Variants in GABRA2 observed in about 807,000 individuals in gnomAD.
GABRA2 encodes the protein gamma-aminobutyric acid type A receptor subunit alpha2, also known as gamma-aminobutyric acid receptor subunit alpha-2.
Under a neutral mutation model 48.7 loss-of-function variants are expected in GABRA2, and 16 were observed. That is an observed-to-expected ratio of 0.33 (90% CI 0.22 to 0.50). The LOEUF (loss-of-function observed/expected upper bound fraction) is 0.50, where lower values mean the gene tolerates loss of function less well. Ranked by LOEUF, GABRA2 falls within the 20% of genes least tolerant of loss-of-function variation. The pLI, the probability that GABRA2 is intolerant of heterozygous loss-of-function variation, is 0.98. For missense variants in GABRA2, 275 were observed against 535.6 expected (o/e 0.51, Z 4.80); for synonymous variants, 185 against 184.5 (o/e 1.00, Z -0.02).
At position 46,292,319 on chromosome 4, in the gene GABRA2, G is replaced by T. The variant is rs1723822473; in HGVS notation, c.856+11141C>A. The stretch of plus-strand genomic sequence containing the variant: ...CTCCTGTAGACAAAGAGCTGAAATG[G>T]TGAAAAATCAGACACAAGCTCTTAT... On this transcript the variant is annotated intron_variant, in intron 8 of 9. Transcript: ENST00000381620. Among the ~76,000 whole-genome samples, 4 of 152,180 alleles carry T rather than the reference G, an allele frequency of 2.6e-5. No individual in the cohort carries two copies. In the South Asian group the frequency reaches 8.3e-4, roughly 32 times the overall value.
chr4:46,371,046 T>C (rs1714806479), intron 3 of GABRA2, among the ~76,000 whole-genome samples: 1 of 152,126 alleles, frequency 6.6e-6, no homozygotes, highest in South Asian at 2.1e-4. Flanking sequence ...ACAGCTTTTA[T>C]AAAAAGAATT....
At chr4:46,346,386 C>T (rs1036223472) in intron 3 of GABRA2, among the ~76,000 whole-genome samples, 19 of 151,236 alleles carry the variant, frequency 1.3e-4, no homozygotes, top group Non-Finnish European at 1.9e-4. Context: ...TCCATAAAGG[C>T]GGGAAGAGTT....
At chr4:46,267,474 A>C (rs1718485562) in intron 8 of GABRA2, among the ~76,000 whole-genome samples, 1 of 151,864 alleles carries the variant, frequency 6.6e-6, no homozygotes, top group Admixed American at 6.6e-5. Flanking sequence ...AGAATTTCTA[A>C]TGATTTTTTT....
intron 4 of GABRA2, among the ~76,000 whole-genome samples, chr4:46,316,721 G>A (rs1728614318): frequency 6.6e-6 from 1 of 151,904 alleles, no homozygotes. Context: ...CTGTTAATTA[G>A]TAATAAATAA....
intron 4 of GABRA2, among the ~76,000 whole-genome samples, chr4:46,320,803 G>A (rs1422775075): frequency 6.6e-6 from 1 of 151,874 alleles, no homozygotes; most frequent in Admixed American, 6.6e-5. Context: ...TGGTGGGGAT[G>A]TAAATTGGTG....
chr4:46,268,184 A>G (rs1718630453), intron 8 of GABRA2, among the ~76,000 whole-genome samples: 1 of 151,974 alleles, frequency 6.6e-6, no homozygotes, highest in African/African-American at 2.4e-5. Flanking sequence ...GGCAACAAAA[A>G]CAAAGATAAA....
chr4:46,317,716 C>T (rs1728771751), intron 4 of GABRA2, among the ~76,000 whole-genome samples: 1 of 151,472 alleles, frequency 6.6e-6, no homozygotes, highest in Non-Finnish European at 1.5e-5. Flanking sequence ...AGAAATACCA[C>T]ACTCTGCCTA....
At chr4:46,388,988 T>C (rs939488023) in intron 1 of GABRA2, 19 of 1,237,928 alleles carry the variant, frequency 1.5e-5, no homozygotes, top group Non-Finnish European at 1.9e-5. Flanking sequence ...GACTTCTCTC[T>C]GCCAGGAACG....
chr4:46,270,722 A>G (rs1335604217), intron 8 of GABRA2, among the ~76,000 whole-genome samples: 1 of 152,052 alleles, frequency 6.6e-6, no homozygotes, highest in African/African-American at 2.4e-5. Context: ...TTTATTTTAC[A>G]TAATATTTTT....
intron 8 of GABRA2, among the ~76,000 whole-genome samples, chr4:46,281,677 G>T (rs1721561726): frequency 6.6e-6 from 1 of 152,150 alleles, no homozygotes; most frequent in Admixed American, 6.5e-5. Flanking sequence ...AGAGACAAAA[G>T]CTTGATTAGG....
At chr4:46,355,854 G>C (rs974431368) in intron 3 of GABRA2, among the ~76,000 whole-genome samples, 6 of 151,984 alleles carry the variant, frequency 3.9e-5, no homozygotes, top group Non-Finnish European at 5.9e-5. Flanking sequence ...GACTCTTTAA[G>C]GGTCTTTCTA....
intron 8 of GABRA2, among the ~76,000 whole-genome samples, chr4:46,263,779 T>A (rs1717530056): frequency 6.6e-6 from 1 of 152,056 alleles, no homozygotes; most frequent in Non-Finnish European, 1.5e-5. Flanking sequence ...ATTTTGTTCA[T>A]CTTTGCAAAA....
At chr4:46,378,925 T>G (rs1482356660) in intron 3 of GABRA2, among the ~76,000 whole-genome samples, 2 of 152,110 alleles carry the variant, frequency 1.3e-5, no homozygotes, top group African/African-American at 2.4e-5. Context: ...AGAAAGTGCT[T>G]CTATCTAATA....
rs116277429 is a variant in GABRA2, at chr4:46,324,017, C to T, written c.255+8598G>A. Among the ~76,000 whole-genome samples, 937 of 151,860 alleles carry T rather than the reference C, an allele frequency of 6.2e-3. 5 individuals are homozygous for T. Among genetic ancestry groups the T allele is most frequent in the African/African-American group, 0.021 (858 of 41,440 alleles). ...AAAGCCTCACTGATAGTTATAATGC[C>T]GTATAGCTGCTGCCCTCTGTCTCGC... On this transcript the variant is annotated intron_variant, in intron 4 of 9. Coordinates refer to ENST00000381620, the MANE Select transcript of GABRA2 (RefSeq NM_000807.4).
At chr4:46,314,605 C>T (rs1728229861) in intron 4 of GABRA2, among the ~76,000 whole-genome samples, 1 of 151,904 alleles carries the variant, frequency 6.6e-6, no homozygotes, top group African/African-American at 2.4e-5. Context: ...AGCATGTTAC[C>T]CAATAGTTAG....
At chr4:46,291,659 C>T (rs555009111) in intron 8 of GABRA2, among the ~76,000 whole-genome samples, 1 of 151,940 alleles carries the variant, frequency 6.6e-6, no homozygotes. Context: ...ATTTCGCACC[C>T]CAAGTTCTTC....
At chr4:46,341,674 C>A (rs528781762) in intron 3 of GABRA2, among the ~76,000 whole-genome samples, 1 of 152,154 alleles carries the variant, frequency 6.6e-6, no homozygotes, top group East Asian at 1.9e-4. Flanking sequence ...CCTTCACTTC[C>A]TGCTTTTGCA....
At chr4:46,303,329 C>A (rs182341994) in intron 8 of GABRA2, 131 bp downstream of exon 8, 23 of 836,668 alleles carry the variant, frequency 2.7e-5, no homozygotes, top group Non-Finnish European at 3.9e-5. Flanking sequence ...ACTTCTTCAC[C>A]TATAAGGCAA....
chr4:46,362,402 TAAGTCCATTA>T (rs369507613), intron 3 of GABRA2, among the ~76,000 whole-genome samples: 362 of 152,310 alleles, frequency 2.4e-3, no homozygotes, highest in African/African-American at 8.3e-3. Context: ...CGTGGAACTG[TAAGTCCATTA>T]AAGTCCATTA....
Sources: gnomAD v4.1 joint callset for allele counts (sites outside exome capture counted in the v4.1 genomes callset) on GRCh38, gnomAD v4.1.1 for gene constraint, MANE v1.5 for transcripts, NCBI Gene and HGNC (gene_info 2026-07-23, HGNC 2026-07-21) for gene names.